The following LAMB1 variants were observed in gnomAD, a reference collection of about 807,000 sequenced individuals.
The protein encoded by LAMB1 is laminin subunit beta-1.
A neutral mutation model predicts 222.3 loss-of-function variants in LAMB1; 121 were observed. That is an observed-to-expected ratio of 0.54 (90% CI 0.47 to 0.63). The LOEUF (loss-of-function observed/expected upper bound fraction) is 0.63. LAMB1 is among the 30% of genes least tolerant of loss of function. The pLI is 0.00. For missense variants in LAMB1, 2,172 were observed against 2,240.8 expected (o/e 0.97, Z 0.62); for synonymous variants, 794 against 807.2 (o/e 0.98, Z 0.28).
In LAMB1 at chr7:108,002,888, C is replaced by G. The variant is rs369221458; in HGVS notation, c.-3G>C. On this transcript the variant is annotated 5_prime_UTR_variant, in exon 2 of 34. Coordinates refer to ENST00000222399, the MANE Select transcript of LAMB1 (RefSeq NM_002291.3). ...GCTAGCAACTGGAGAAGCCCCATGC[C>G]GGCTCCCTGCAGCCACGGGGACGCG... 6.2e-7 allele frequency: 1 copy of G among 1,613,910 alleles called. No individual in the cohort carries two copies. The highest frequency in any genetic ancestry group is 1.3e-5 in the African/African-American group (1 of 74,950).
intron 12 of LAMB1, 51 bp downstream of exon 12, chr7:107,974,935 A>C: frequency 9.4e-7 from 1 of 1,060,680 alleles, no homozygotes; most frequent in Non-Finnish European, 1.5e-6. Flanking sequence ...TCTCTATTAA[A>C]ACATGTCATC....
At chr7:107,926,035 C>A in intron 32 of LAMB1, 148 bp downstream of exon 32, 1 of 602,282 alleles carries the variant, frequency 1.7e-6, no homozygotes, top group Non-Finnish European at 2.9e-6. Flanking sequence ...ATCCACACTT[C>A]TAAAGACGGC....
In LAMB1 at chr7:107,959,330, T is replaced by C. The variant is rs564658034; in HGVS notation, c.2609A>G (p.Asn870Ser). The change falls in exon 20 of 34, where the codon AAT (asparagine) becomes AGT (serine). Residue 870 changes from asparagine to serine, a missense_variant. Transcript: ENST00000222399. ...GFPSCQPCQCNGHADDCDPVT... is the reference protein window; with the variant it reads ...GFPSCQPCQCSGHADDCDPVT... ...TGGGTCGCAGTCATCGGCGTGGCCA[T>C]TGCACTGGCAGGGCTGGCAACTTGG... 2.5e-6 allele frequency: 4 copies of C among 1,614,226 alleles called. No homozygotes were observed. Among genetic ancestry groups the C allele is most frequent in the East Asian group, 4.5e-5 (2 of 44,892 alleles).
At chr7:107,990,061 T>G (rs987743008) in intron 5 of LAMB1, among the ~76,000 whole-genome samples, 3 of 152,040 alleles carry the variant, frequency 2.0e-5, no homozygotes, top group African/African-American at 4.8e-5. Context: ...TTTTTTGAGA[T>G]AGAGTCTTGC....
At position 107,960,445 on chromosome 7, in the gene LAMB1, C is replaced by T. The variant is rs2033473224; in HGVS notation, c.2314G>A (p.Ala772Thr). Residue 772 changes from alanine to threonine, a missense_variant and splice_region_variant, in exon 18 of 34, where the codon GCT becomes ACT. Coordinates refer to ENST00000222399, the MANE Select transcript of LAMB1 (RefSeq NM_002291.3). The stretch of plus-strand genomic sequence containing the variant: ...GCTGCAGCTGCCCAGCAATACCTAC[C>T]CAGGCCTGTCTGGTGTAACAGGGCA... Reference protein sequence around the residue: ...ISALLHQTGLACECDPQGSLS... With the variant: ...ISALLHQTGLTCECDPQGSLS... The T allele has an allele frequency of 1.2e-6, 2 of 1,612,830 alleles. No individual in the cohort carries two copies. Among genetic ancestry groups the T allele is most frequent in the Non-Finnish European group, 1.7e-6 (2 of 1,179,030 alleles).
intron 5 of LAMB1, among the ~76,000 whole-genome samples, chr7:107,992,553 T>C (rs1451814624): frequency 2.6e-5 from 4 of 152,182 alleles, no homozygotes; most frequent in Non-Finnish European, 5.9e-5. Flanking sequence ...ATAAAGACTT[T>C]CAGGTTCCCA....
intron 5 of LAMB1, among the ~76,000 whole-genome samples, chr7:107,993,427 C>T (rs551647735): frequency 6.6e-6 from 1 of 152,326 alleles, no homozygotes; most frequent in Non-Finnish European, 1.5e-5. Context: ...AGCCACCACG[C>T]CTGGCCCCAA....
At chr7:107,961,054 G>C in intron 17 of LAMB1, 152 bp downstream of exon 17, 1 of 782,484 alleles carries the variant, frequency 1.3e-6, no homozygotes. Flanking sequence ...CTTTCCATGG[G>C]GTGGAGTATA....
chr7:107,966,662 T>G (rs2033643384), intron 13 of LAMB1, among the ~76,000 whole-genome samples: 1 of 152,180 alleles, frequency 6.6e-6, no homozygotes, highest in African/African-American at 2.4e-5. Context: ...AAAAGAAAAT[T>G]CTTTCCTCCC....
At chr7:107,953,845 C>T (rs1172639306) in intron 21 of LAMB1, 91 bp from the exon 22 acceptor site, 8 of 1,090,390 alleles carry the variant, frequency 7.3e-6, no homozygotes, top group Non-Finnish European at 1.1e-5. Flanking sequence ...GAGAGCTGAT[C>T]GTGGCGGTGC....
chr7:107,978,826 G>C (rs2033919890), intron 8 of LAMB1, among the ~76,000 whole-genome samples: 2 of 152,134 alleles, frequency 1.3e-5, no homozygotes, highest in African/African-American at 4.8e-5. Flanking sequence ...ATTTTGCCTT[G>C]TGTCACTGTA....
chr7:107,957,533 A>G (rs1489590300), intron 20 of LAMB1, among the ~76,000 whole-genome samples: 2 of 152,206 alleles, frequency 1.3e-5, no homozygotes, highest in South Asian at 2.1e-4. Flanking sequence ...GGGCAACAAG[A>G]GCAAAACTCC....
At chr7:107,993,288 C>T (rs934648759) in intron 5 of LAMB1, among the ~76,000 whole-genome samples, 2 of 152,290 alleles carry the variant, frequency 1.3e-5, no homozygotes, top group African/African-American at 4.8e-5. Context: ...CGCGTGCCAC[C>T]ACGCCTGGCT....
At chr7:107,981,668 G>C (rs2033976783) in intron 7 of LAMB1, among the ~76,000 whole-genome samples, 1 of 152,210 alleles carries the variant, frequency 6.6e-6, no homozygotes, top group African/African-American at 2.4e-5. Context: ...ACAGTAATTT[G>C]AAGTAGCACA....
chr7:107,932,763 G>GACCAGC (rs571807742), intron 27 of LAMB1: 2 of 249,524 alleles, frequency 8.0e-6, no homozygotes, highest in Non-Finnish European at 7.9e-6. Flanking sequence ...CCATCTTTGG[G>GACCAGC]ACCAGCACCA....
intron 22 of LAMB1, 51 bp from the exon 23 acceptor site, chr7:107,952,274 C>A: frequency 7.3e-7 from 1 of 1,378,370 alleles, no homozygotes; most frequent in Non-Finnish European, 1.0e-6. Flanking sequence ...AATACACAGG[C>A]ATGCGGATGT....
intron 13 of LAMB1, among the ~76,000 whole-genome samples, chr7:107,965,541 T>A (rs188760074): frequency 7.2e-5 from 11 of 152,300 alleles, no homozygotes; most frequent in Non-Finnish European, 1.5e-4. Context: ...ATCACGCCAT[T>A]GCACTCCAGC....
chr7:107,951,129 A>T, intron 24 of LAMB1, 97 bp downstream of exon 24: 1 of 826,458 alleles, frequency 1.2e-6, no homozygotes, highest in Non-Finnish European at 2.0e-6. Flanking sequence ...TAGACACGTT[A>T]ATTTGTACTG....
intron 31 of LAMB1, among the ~76,000 whole-genome samples, chr7:107,927,014 AAAGT>A (rs1420009262): frequency 6.6e-6 from 1 of 152,210 alleles, no homozygotes; most frequent in Non-Finnish European, 1.5e-5. Flanking sequence ...AAAGCTAGCC[AAAGT>A]AAGCAGTTGA....
Sources: gnomAD v4.1 joint callset for allele counts (sites outside exome capture counted in the v4.1 genomes callset) on GRCh38, gnomAD v4.1.1 for gene constraint, MANE v1.5 for transcripts, NCBI Gene and HGNC (gene_info 2026-07-23, HGNC 2026-07-21) for gene names.